The following METTL8 variants were observed in gnomAD, a reference collection of about 807,000 sequenced individuals.
METTL8 encodes methyltransferase 8, tRNA N3-cytidine.
METTL8 carries 32 observed loss-of-function variants against 48.7 expected under a neutral mutation model. The observed-to-expected ratio is 0.66, with a 90% CI of 0.50 to 0.88. The LOEUF (loss-of-function observed/expected upper bound fraction) is 0.88. Ranked by LOEUF, METTL8 falls within the 40% of genes least tolerant of loss-of-function variation. The probability of loss-of-function intolerance (pLI) is 0.00; values close to 1 mark genes in which losing one functional copy is unlikely to be tolerated. For synonymous variants in METTL8, 136 were observed against 157.1 expected (o/e 0.87, Z 1.01); for missense variants, 464 against 474.4 (o/e 0.98, Z 0.20).
chr2:171,419,769 A>G (rs1239201708), intron 1 of METTL8, among the ~76,000 whole-genome samples: 1 of 152,010 alleles, frequency 6.6e-6, no homozygotes, highest in East Asian at 1.9e-4. Context: ...AATTCTGAAC[A>G]TGTTAAATTC....
At chr2:171,359,342 C>CA (rs1250400898) in intron 3 of METTL8, among the ~76,000 whole-genome samples, 27 of 152,154 alleles carry the variant, frequency 1.8e-4, no homozygotes, top group African/African-American at 6.0e-4. Flanking sequence ...TAGCGTATAT[C>CA]AAAAAGACAG....
chr2:171,381,613 G>C (rs1171129709), intron 2 of METTL8, among the ~76,000 whole-genome samples: 2 of 152,090 alleles, frequency 1.3e-5, no homozygotes, highest in East Asian at 3.9e-4. Flanking sequence ...CTTCTCAAAA[G>C]AAGACATTTA....
At chr2:171,357,274 C>T (rs1684690096) in intron 3 of METTL8, among the ~76,000 whole-genome samples, 1 of 152,042 alleles carries the variant, frequency 6.6e-6, no homozygotes. Flanking sequence ...TATGATCTTA[C>T]ACTTAGAAAA....
chr2:171,404,538 A>G (rs1169444783), intron 1 of METTL8, among the ~76,000 whole-genome samples: 3 of 152,156 alleles, frequency 2.0e-5, no homozygotes, highest in African/African-American at 7.2e-5. Context: ...TCAGAATGGC[A>G]TGCAGTCTAA....
rs527409834 is a variant in METTL8, at chr2:171,369,146, A to C, written c.144-8633T>G. 2.5e-4 allele frequency among the ~76,000 whole-genome samples: 38 copies of C among 152,006 alleles called. No homozygotes were observed. In the East Asian group the frequency reaches 6.5e-3, roughly 26 times the overall value. Reference sequence around the variant, plus strand: ...CGGTGAAACCCCGTCTCCACTAAAAAATACAAAAAATTAGCCGGGCATGGT... The same window carrying C: ...CGGTGAAACCCCGTCTCCACTAAAACATACAAAAAATTAGCCGGGCATGGT... On this transcript the variant is annotated intron_variant, in intron 2 of 9. Coordinates refer to ENST00000375258, the MANE Select transcript of METTL8 (RefSeq NM_001321154.2).
chr2:171,416,734 T>G (rs568701195), intron 1 of METTL8, among the ~76,000 whole-genome samples: 1 of 152,244 alleles, frequency 6.6e-6, no homozygotes, highest in Non-Finnish European at 1.5e-5. Context: ...GGAAAAGCAT[T>G]TCTGTTATCA....
At chr2:171,410,761 ACTC>A (rs1300539171) in intron 1 of METTL8, among the ~76,000 whole-genome samples, 1 of 152,088 alleles carries the variant, frequency 6.6e-6, no homozygotes, top group Non-Finnish European at 1.5e-5. Flanking sequence ...ACATGTATAA[ACTC>A]CTGACATAAA....
At chr2:171,360,284 G>A in intron 3 of METTL8, 138 bp downstream of exon 3, 2 of 663,822 alleles carry the variant, frequency 3.0e-6, no homozygotes, top group Non-Finnish European at 5.0e-6. Context: ...CACTACACTG[G>A]AAGAACTGGG....
At chr2:171,337,796 GA>G (rs201300277) in intron 4 of METTL8, among the ~76,000 whole-genome samples, 166 of 130,776 alleles carry the variant, frequency 1.3e-3, no homozygotes, top group Middle Eastern at 3.8e-3. Flanking sequence ...GGCTCATTAG[GA>G]AAAAAAAAAA....
At chr2:171,325,137 A>AAG (rs1252774218) in intron 9 of METTL8, among the ~76,000 whole-genome samples, 9 of 151,658 alleles carry the variant, frequency 5.9e-5, no homozygotes, top group Non-Finnish European at 8.8e-5. Context: ...AAAAAAAAAA[A>AAG]AAAAGAGAAA....
chr2:171,348,075 A>T (rs1273413111), intron 3 of METTL8, among the ~76,000 whole-genome samples: 1 of 152,166 alleles, frequency 6.6e-6, no homozygotes, highest in Non-Finnish European at 1.5e-5. Flanking sequence ...TCATTAGCTT[A>T]GGCTCCCCAA....
chr2:171,340,603 T>G (rs1214370875), intron 3 of METTL8, among the ~76,000 whole-genome samples: 1 of 152,106 alleles, frequency 6.6e-6, no homozygotes, highest in Middle Eastern at 3.2e-3. Flanking sequence ...ACCTTATTTT[T>G]AATGTATTTA....
chr2:171,334,391 C>T (rs1378790521), intron 5 of METTL8, among the ~76,000 whole-genome samples: 1 of 152,142 alleles, frequency 6.6e-6, no homozygotes, highest in East Asian at 1.9e-4. Flanking sequence ...CAGCTGACTA[C>T]CTTGGCTCTT....
chr2:171,378,907 A>G (rs1687238764), intron 2 of METTL8, among the ~76,000 whole-genome samples: 1 of 152,222 alleles, frequency 6.6e-6, no homozygotes, highest in Non-Finnish European at 1.5e-5. Context: ...ATTAAGCGGA[A>G]CTGATGGATA....
intron 3 of METTL8, among the ~76,000 whole-genome samples, chr2:171,346,870 T>C (rs1217166247): frequency 2.0e-5 from 3 of 152,220 alleles, no homozygotes; most frequent in African/African-American, 7.2e-5. Context: ...TGCTGCAGAC[T>C]GGCACGTCTG....
chr2:171,380,385 G>T (rs746947223), intron 2 of METTL8, among the ~76,000 whole-genome samples: 1 of 152,176 alleles, frequency 6.6e-6, no homozygotes, highest in Non-Finnish European at 1.5e-5. Context: ...CATAGTATTG[G>T]AAGTGCTGAC....
At chr2:171,415,272 T>C (rs563785713) in intron 1 of METTL8, among the ~76,000 whole-genome samples, 6 of 151,982 alleles carry the variant, frequency 3.9e-5, no homozygotes, top group Non-Finnish European at 7.4e-5. Context: ...GAAAGTCTAG[T>C]AGAATTTATA....
chr2:171,381,781 T>G (rs1432173540), intron 2 of METTL8, among the ~76,000 whole-genome samples: 1 of 66,622 alleles, frequency 1.5e-5, no homozygotes, highest in African/African-American at 7.7e-5. Context: ...TTAGGAACAC[T>G]TTTTTTTTTT....
At chr2:171,343,516 G>C (rs1289171823) in intron 3 of METTL8, among the ~76,000 whole-genome samples, 1 of 151,690 alleles carries the variant, frequency 6.6e-6, no homozygotes, top group Non-Finnish European at 1.5e-5. Context: ...ACACAGAATA[G>C]TATATACATT....
Sources: gnomAD v4.1 joint callset for allele counts (sites outside exome capture counted in the v4.1 genomes callset) on GRCh38, gnomAD v4.1.1 for gene constraint, MANE v1.5 for transcripts, NCBI Gene and HGNC (gene_info 2026-07-23, HGNC 2026-07-21) for gene names.